Variants in GLIS3 observed in about 807,000 individuals in gnomAD.
GLIS3 encodes the protein zinc finger protein GLIS3.
In GLIS3, 53 loss-of-function variants were observed where a neutral mutation model predicts 78.6. That is an observed-to-expected ratio of 0.67 (90% CI 0.54 to 0.85). The LOEUF is 0.85. Ranked by LOEUF, GLIS3 falls within the 40% of genes least tolerant of loss-of-function variation. The pLI, the probability that GLIS3 is intolerant of heterozygous loss-of-function variation, is 0.00. For synonymous variants in GLIS3, 684 were observed against 509.9 expected, an observed-to-expected ratio of 1.34 and a Z score of -4.60; for missense variants, 1,703 against 1,231.1, an observed-to-expected ratio of 1.38 and a Z score of -5.74.
chr9:3,859,989 T>TG (rs1422938775), intron 8 of GLIS3, among the ~76,000 whole-genome samples: 9 of 152,044 alleles, frequency 5.9e-5, no homozygotes, highest in Admixed American at 2.0e-4. Context: ...AAAAATCCTC[T>TG]GGGGGGCCAA....
chr9:4,377,378 T>G, the GLIS3 span, among the ~76,000 whole-genome samples: 1 of 135,662 alleles, frequency 7.4e-6, no homozygotes, highest in East Asian at 2.2e-4. Flanking sequence ...CTCCAGGTTC[T>G]TTGGCTTTTG....
chr9:4,373,766 C>G, the GLIS3 span, among the ~76,000 whole-genome samples: 1 of 151,054 alleles, frequency 6.6e-6, no homozygotes, highest in African/African-American at 2.4e-5. Flanking sequence ...CTCCTGGGTT[C>G]AAGCAATTCT....
intron 4 of GLIS3, among the ~76,000 whole-genome samples, chr9:4,041,917 C>T (rs371049283): frequency 5.9e-5 from 9 of 152,232 alleles, no homozygotes; most frequent in African/African-American, 2.2e-4. Context: ...ATGCCCAAAC[C>T]TTGATATGAC....
chr9:4,116,540 C>T (rs773889275), intron 4 of GLIS3, among the ~76,000 whole-genome samples: 14 of 152,186 alleles, frequency 9.2e-5, no homozygotes, highest in South Asian at 2.1e-4. Context: ...AAAATACCTA[C>T]CGGGCAGTGA....
the GLIS3 span, among the ~76,000 whole-genome samples, chr9:4,452,329 C>G: frequency 6.6e-6 from 1 of 152,090 alleles, no homozygotes; most frequent in Non-Finnish European, 1.5e-5. Flanking sequence ...CCAGGGAAGT[C>G]AGGCAAGAGA....
At chr9:4,103,190 G>A (rs553907687) in intron 4 of GLIS3, among the ~76,000 whole-genome samples, 1 of 152,070 alleles carries the variant, frequency 6.6e-6, no homozygotes. Context: ...TTTTCATTTA[G>A]CTGTTTCTAC....
intron 9 of GLIS3, among the ~76,000 whole-genome samples, chr9:3,855,058 C>A (rs1042394919): frequency 6.6e-6 from 1 of 152,192 alleles, no homozygotes; most frequent in Non-Finnish European, 1.5e-5. Context: ...AACATTCAGC[C>A]TAAAAGGACA....
Position 4,149,579 on chromosome 9 carries a change from G to A in GLIS3, c.389-23638C>T, listed in dbSNP as rs116977758. Among the ~76,000 whole-genome samples the A allele has an allele frequency of 1.4e-4, 21 of 152,346 alleles. No homozygotes were observed. The East Asian group carries it at 3.7e-3, about 27-fold the overall frequency. On this transcript the variant is annotated intron_variant, in intron 2 of 10. Transcript: ENST00000381971. ...CAGGCATGACACCTTAATTTATTCTGTGTAGGTACCATAAATGGTGTCAGG... is the reference window on the plus strand; with the variant it reads ...CAGGCATGACACCTTAATTTATTCTATGTAGGTACCATAAATGGTGTCAGG...
At chr9:4,196,791 T>C (rs1818895876) in intron 2 of GLIS3, among the ~76,000 whole-genome samples, 1 of 152,144 alleles carries the variant, frequency 6.6e-6, no homozygotes, top group Non-Finnish European at 1.5e-5. Flanking sequence ...AACCCCCCAA[T>C]TTCGGACACA....
At chr9:4,108,617 G>A (rs760297045) in intron 4 of GLIS3, among the ~76,000 whole-genome samples, 6 of 152,168 alleles carry the variant, frequency 3.9e-5, no homozygotes, top group Non-Finnish European at 8.8e-5. Flanking sequence ...TGGAAAGAGA[G>A]TGACAAAAAA....
At chr9:4,218,990 C>G (rs938469078) in intron 2 of GLIS3, among the ~76,000 whole-genome samples, 16 of 152,200 alleles carry the variant, frequency 1.1e-4, no homozygotes, top group African/African-American at 3.6e-4. Flanking sequence ...TAAAATTGGT[C>G]ATTACTGTAT....
intron 4 of GLIS3, among the ~76,000 whole-genome samples, chr9:4,116,027 C>T (rs1290057513): frequency 1.3e-5 from 2 of 152,294 alleles, no homozygotes; most frequent in Non-Finnish European, 1.5e-5. Context: ...TGATATTTAT[C>T]GTGCACTTCA....
chr9:4,463,197 T>C, the GLIS3 span, among the ~76,000 whole-genome samples: 3,232 of 152,340 alleles, frequency 0.021, 119 homozygotes, highest in African/African-American at 0.074. Context: ...AGAAGCAATT[T>C]TACTAATGGT....
At chr9:4,461,350 T>C in the GLIS3 span, among the ~76,000 whole-genome samples, 1 of 143,986 alleles carries the variant, frequency 6.9e-6, no homozygotes, top group Non-Finnish European at 1.6e-5. Context: ...AATACATTTT[T>C]CAATTATGCA....
chr9:4,264,012 A>G (rs1332678706), intron 2 of GLIS3, among the ~76,000 whole-genome samples: 2 of 151,758 alleles, frequency 1.3e-5, no homozygotes, highest in Admixed American at 6.6e-5. Context: ...TTCTATCTCT[A>G]TCTCCCACTT....
intron 2 of GLIS3, among the ~76,000 whole-genome samples, chr9:4,253,552 G>T (rs1784712804): frequency 6.6e-6 from 1 of 152,232 alleles, no homozygotes; most frequent in South Asian, 2.1e-4. Flanking sequence ...GCTCTGTGCG[G>T]GTGGGATCCG....
At chr9:3,874,916 A>G (rs749281949) in intron 8 of GLIS3, among the ~76,000 whole-genome samples, 2 of 152,168 alleles carry the variant, frequency 1.3e-5, no homozygotes, top group Non-Finnish European at 2.9e-5. Context: ...GGCCTCCTTC[A>G]GCTCTATTAC....
intron 4 of GLIS3, among the ~76,000 whole-genome samples, chr9:4,066,037 T>TA (rs375649097): frequency 0.39 from 37,072 of 95,436 alleles, 5,106 homozygotes; most frequent in East Asian, 0.56. Context: ...ACCCAAAGAA[T>TA]ATAAAAAAAA....
chr9:3,924,010 C>G (rs1459940452), intron 6 of GLIS3, among the ~76,000 whole-genome samples: 1 of 152,228 alleles, frequency 6.6e-6, no homozygotes, highest in East Asian at 1.9e-4. Context: ...TAAAACACAG[C>G]CATCCATGGG....
Sources: gnomAD v4.1 joint callset for allele counts (sites outside exome capture counted in the v4.1 genomes callset) on GRCh38, gnomAD v4.1.1 for gene constraint, MANE v1.5 for transcripts, NCBI Gene and HGNC (gene_info 2026-07-23, HGNC 2026-07-21) for gene names.